The following COBL variants were observed in gnomAD, a reference collection of about 807,000 sequenced individuals.
COBL encodes cordon-bleu WH2 repeat protein.
In COBL, 51 loss-of-function variants were observed where a neutral mutation model predicts 98.8. The ratio of observed to expected loss-of-function variants is 0.52; its 90% confidence interval spans 0.41 to 0.65. COBL has a LOEUF of 0.65. COBL is among the 30% of genes least tolerant of loss of function. COBL has a pLI of 0.00. For missense variants in COBL, 1,617 were observed against 1,617.5 expected (o/e 1.00, Z 0.01); for synonymous variants, 634 against 651.7 (o/e 0.97, Z 0.41).
At position 51,018,903 on chromosome 7, in the gene COBL, AAAATATATATAT is replaced by A. The variant is rs1412874762; in HGVS notation, c.3769-1347_3769-1336del. On this transcript the variant is annotated intron_variant, in intron 12 of 12. Coordinates refer to ENST00000265136, the MANE Select transcript of COBL (RefSeq NM_015198.5). ...AGAAACTCCATCTCAAAAAAAAAAA[AAAATATATATAT>A]ATATATATATATATATATATATATA... Among the ~76,000 whole-genome samples the A allele has an allele frequency of 2.7e-3, 152 of 57,212 alleles. 17 individuals are homozygous for A. The highest frequency in any genetic ancestry group is 0.012 in the African/African-American group (148 of 12,346). The allele number at this position is 57,212 out of a possible 152,430, so 37.5% of individuals were successfully genotyped here.
intron 5 of COBL, among the ~76,000 whole-genome samples, chr7:51,169,115 C>T (rs1787608762): frequency 6.6e-6 from 1 of 152,160 alleles, no homozygotes; most frequent in Non-Finnish European, 1.5e-5. Flanking sequence ...CTGAAGCCTG[C>T]TACCCGGAGG....
At chr7:51,184,793 C>A (rs190060685) in intron 4 of COBL, among the ~76,000 whole-genome samples, 3 of 152,140 alleles carry the variant, frequency 2.0e-5, no homozygotes, top group Non-Finnish European at 2.9e-5. Context: ...TCTAAGACTG[C>A]GACATCAGTG....
At chr7:51,259,517 G>A (rs1797527892) in intron 1 of COBL, 3 of 661,788 alleles carry the variant, frequency 4.5e-6, no homozygotes, top group Non-Finnish European at 8.3e-6. Context: ...CTCTATTTGT[G>A]GTAGCAAGAT....
rs115313866 is a variant in COBL, at chr7:51,292,430, T to C, written c.41+24163A>G. Among the ~76,000 whole-genome samples, 1,151 of 152,340 alleles carry C rather than the reference T, an allele frequency of 7.6e-3. 15 individuals are homozygous for C. Among genetic ancestry groups the C allele is most frequent in the African/African-American group, 0.027 (1,118 of 41,590 alleles). Reference sequence around the variant, plus strand: ...AGAATGAGTACTATTTAAATATGACTGATAAAGACATTAAAAAACGTCCAT... The same window carrying C: ...AGAATGAGTACTATTTAAATATGACCGATAAAGACATTAAAAAACGTCCAT... On this transcript the variant is annotated intron_variant, in intron 1 of 12. Coordinates refer to ENST00000265136, the MANE Select transcript of COBL (RefSeq NM_015198.5).
chr7:51,183,144 G>T (rs1048766975), intron 5 of COBL, among the ~76,000 whole-genome samples: 1 of 152,194 alleles, frequency 6.6e-6, no homozygotes, highest in Non-Finnish European at 1.5e-5. Flanking sequence ...TGAAGGGCAG[G>T]AAATCAGGTG....
chr7:51,259,927 A>T (rs1797567779), intron 1 of COBL: 1 of 756,058 alleles, frequency 1.3e-6, no homozygotes, highest in African/African-American at 1.7e-5. Context: ...GTTATCTGGC[A>T]ATTCCAAGGC....
intron 1 of COBL, among the ~76,000 whole-genome samples, chr7:51,243,608 G>A (rs1423498361): frequency 2.0e-5 from 3 of 151,968 alleles, no homozygotes; most frequent in Non-Finnish European, 1.5e-5. Context: ...AAGCTGGGTG[G>A]AGCCCAAGAA....
chr7:51,264,988 G>A (rs1254786264), intron 1 of COBL, among the ~76,000 whole-genome samples: 1 of 152,106 alleles, frequency 6.6e-6, no homozygotes, highest in East Asian at 1.9e-4. Context: ...AGAATGCCCA[G>A]AGGCCTCTGG....
intron 6 of COBL, among the ~76,000 whole-genome samples, chr7:51,125,740 C>T (rs1241251477): frequency 6.6e-6 from 1 of 152,168 alleles, no homozygotes; most frequent in Non-Finnish European, 1.5e-5. Context: ...TCATAGCTCT[C>T]TTGCCCCAAT....
At chr7:51,215,516 T>A (rs1323220469) in intron 2 of COBL, among the ~76,000 whole-genome samples, 1 of 152,176 alleles carries the variant, frequency 6.6e-6, no homozygotes, top group Non-Finnish European at 1.5e-5. Context: ...ATACCAAGAC[T>A]CACTTCTAGC....
intron 1 of COBL, among the ~76,000 whole-genome samples, chr7:51,227,857 C>A (rs1262147254): frequency 6.6e-6 from 1 of 152,132 alleles, no homozygotes; most frequent in Non-Finnish European, 1.5e-5. Flanking sequence ...ACTGTCTTGG[C>A]CCCTGCAAAC....
intron 1 of COBL, among the ~76,000 whole-genome samples, chr7:51,249,383 C>T (rs1425981423): frequency 6.6e-6 from 1 of 152,178 alleles, no homozygotes; most frequent in Non-Finnish European, 1.5e-5. Flanking sequence ...GGACATATGC[C>T]TGGAAAGGTG....
chr7:51,304,792 T>C (rs1802300367), intron 1 of COBL, among the ~76,000 whole-genome samples: 1 of 152,118 alleles, frequency 6.6e-6, no homozygotes, highest in Non-Finnish European at 1.5e-5. Context: ...ATGCTGTTAC[T>C]CCTGGTCTCT....
intron 7 of COBL, 21 bp downstream of exon 7, chr7:51,085,145 G>A (rs552890477): frequency 1.9e-5 from 30 of 1,613,390 alleles, no homozygotes; most frequent in Admixed American, 6.7e-5. Context: ...GCATGCAGAC[G>A]GCAGGCCGAG....
chr7:51,204,846 G>C (rs1791519114), intron 2 of COBL, among the ~76,000 whole-genome samples: 1 of 151,622 alleles, frequency 6.6e-6, no homozygotes, highest in Non-Finnish European at 1.5e-5. Flanking sequence ...ACCACACCCA[G>C]CCAAAAAAAT....
At chr7:51,066,102 C>A (rs147790506) in intron 7 of COBL, among the ~76,000 whole-genome samples, 3 of 152,210 alleles carry the variant, frequency 2.0e-5, no homozygotes, top group Non-Finnish European at 2.9e-5. Context: ...TTGCTGCGCA[C>A]TGTGATGAAA....
At chr7:51,198,224 T>TC (rs1790779620) in intron 2 of COBL, among the ~76,000 whole-genome samples, 1 of 152,200 alleles carries the variant, frequency 6.6e-6, no homozygotes, top group South Asian at 2.1e-4. Context: ...CCTTCAGCAT[T>TC]TGCTTATTTG....
chr7:51,146,006 G>A (rs76469593), intron 5 of COBL, among the ~76,000 whole-genome samples: 2,336 of 152,242 alleles, frequency 0.015, 61 homozygotes, highest in African/African-American at 0.053. Flanking sequence ...TGCCCAGGCT[G>A]GAGGTGGCTC....
intron 1 of COBL, among the ~76,000 whole-genome samples, chr7:51,257,122 C>G (rs1797262422): frequency 6.6e-6 from 1 of 152,084 alleles, no homozygotes; most frequent in Non-Finnish European, 1.5e-5. Flanking sequence ...AGATGCAAAG[C>G]CAGATTCAAA....
Sources: gnomAD v4.1 joint callset for allele counts (sites outside exome capture counted in the v4.1 genomes callset) on GRCh38, gnomAD v4.1.1 for gene constraint, MANE v1.5 for transcripts, NCBI Gene and HGNC (gene_info 2026-07-23, HGNC 2026-07-21) for gene names.